The following ABCC4 variants were observed in gnomAD, a reference collection of about 807,000 sequenced individuals.
ABCC4 encodes ATP binding cassette subfamily C member 4 (PEL blood group), also known as ATP-binding cassette sub-family C member 4.
ABCC4 carries 102 observed loss-of-function variants against 168.5 expected under a neutral mutation model. That is an observed-to-expected ratio of 0.61 (90% CI 0.52 to 0.71). The LOEUF is 0.71. Among genes scored for constraint, ABCC4 ranks in the 30% least tolerant of loss-of-function variants. The pLI is 0.00. For synonymous variants in ABCC4, 617 were observed against 590.7 expected (o/e 1.04, Z -0.65); for missense variants, 1,402 against 1,605.8 (o/e 0.87, Z 2.17).
intron 11 of ABCC4, among the ~76,000 whole-genome samples, chr13:95,180,503 G>A (rs1295834380): frequency 6.6e-6 from 1 of 151,696 alleles, no homozygotes; most frequent in Non-Finnish European, 1.5e-5. Flanking sequence ...CAGTGAGCGA[G>A]ATCGCACCAT....
intron 26 of ABCC4, among the ~76,000 whole-genome samples, chr13:95,057,006 A>G (rs2033084396): frequency 6.6e-6 from 1 of 152,206 alleles, no homozygotes; most frequent in Non-Finnish European, 1.5e-5. Flanking sequence ...CATCCTAAAA[A>G]AAGTTTTGAA....
chr13:95,184,192 C>T (rs9524820), intron 11 of ABCC4, among the ~76,000 whole-genome samples: 12 of 152,208 alleles, frequency 7.9e-5, no homozygotes, highest in African/African-American at 2.7e-4. Flanking sequence ...TCAAAGGTGG[C>T]TACGGAAGAG....
At chr13:95,086,458 G>A (rs2034260739) in intron 20 of ABCC4, among the ~76,000 whole-genome samples, 1 of 151,990 alleles carries the variant, frequency 6.6e-6, no homozygotes, top group Non-Finnish European at 1.5e-5. Flanking sequence ...ATTTCCCCCG[G>A]CAGACTCTTC....
chr13:95,161,217 C>T lies in ABCC4; in HGVS notation c.2427G>A (p.Pro809=), dbSNP rs144598765. 142 of 1,606,742 alleles carry T rather than the reference C, an allele frequency of 8.8e-5. No individual in the cohort carries two copies. The highest frequency in any genetic ancestry group is 8.0e-4 in the African/African-American group (60 of 74,722). Residue 809 remains proline (P), a synonymous_variant, in exon 19 of 31, where the codon CCG becomes CCA. Coordinates refer to ENST00000645237, the MANE Select transcript of ABCC4 (RefSeq NM_005845.5). Reference sequence around the variant, plus strand: ...TTGGATTTCTATCAAAGAATAATACCGGAGCTTTCAGAATTGACTCAAACA... The same window carrying T: ...TTGGATTTCTATCAAAGAATAATACTGGAGCTTTCAGAATTGACTCAAACA... ...NKMFESILKA[P]VLFFDRNPIG...
chr13:95,135,280 T>C (rs1156533127), intron 19 of ABCC4, among the ~76,000 whole-genome samples: 2 of 152,194 alleles, frequency 1.3e-5, no homozygotes, highest in African/African-American at 4.8e-5. Flanking sequence ...TGAATAATGA[T>C]ATCAAAATCA....
intron 25 of ABCC4, among the ~76,000 whole-genome samples, 190 bp from the exon 26 acceptor site, chr13:95,063,049 C>T (rs532260868): frequency 6.6e-6 from 1 of 152,222 alleles, no homozygotes; most frequent in South Asian, 2.1e-4. Flanking sequence ...TTGGAAGCTG[C>T]CCCAGGCATT....
intron 29 of ABCC4, chr13:95,043,429 A>G: frequency 2.4e-6 from 1 of 414,182 alleles, no homozygotes; most frequent in Non-Finnish European, 4.3e-6. Context: ...GCTGAATCTT[A>G]GATTTGGAAT....
chr13:95,163,536 C>T, intron 17 of ABCC4, 74 bp downstream of exon 17: 1 of 1,351,398 alleles, frequency 7.4e-7, no homozygotes, highest in Admixed American at 1.8e-5. Flanking sequence ...AAACACCTCC[C>T]TCTAACTCTA....
At chr13:95,040,646 A>T (rs2032316648) in intron 29 of ABCC4, among the ~76,000 whole-genome samples, 2 of 152,184 alleles carry the variant, frequency 1.3e-5, no homozygotes, top group South Asian at 4.1e-4. Context: ...AAATGTTCTA[A>T]TTGTGGCCGT....
chr13:95,075,360 C>T, intron 22 of ABCC4, 72 bp downstream of exon 22: 1 of 1,598,348 alleles, frequency 6.3e-7, no homozygotes, highest in Non-Finnish European at 8.5e-7. Flanking sequence ...ACAAGCTCAT[C>T]TGACCAGGGA....
chr13:95,056,648 GAA>G (rs1272119900), intron 26 of ABCC4, among the ~76,000 whole-genome samples: 2 of 63,304 alleles, frequency 3.2e-5, no homozygotes, highest in African/African-American at 5.6e-5. Context: ...TCAAAAAGAA[GAA>G]AAAAAAAAAA....
chr13:95,095,834 C>A (rs961864562), intron 20 of ABCC4: 1 of 268,064 alleles, frequency 3.7e-6, no homozygotes, highest in African/African-American at 2.2e-5. Flanking sequence ...AGCATTAGTA[C>A]AGAAGGAAGG....
intron 30 of ABCC4, among the ~76,000 whole-genome samples, chr13:95,024,348 A>C (rs1031340205): frequency 2.0e-5 from 3 of 152,146 alleles, no homozygotes; most frequent in African/African-American, 7.2e-5. Context: ...TTGCGGCAAG[A>C]AGAGTATCAG....
intron 21 of ABCC4, among the ~76,000 whole-genome samples, chr13:95,080,414 G>A (rs189341394): frequency 1.4e-3 from 153 of 111,856 alleles, no homozygotes; most frequent in African/African-American, 4.4e-3. Flanking sequence ...GTTTTGTTTT[G>A]TTTTTTCAGT....
chr13:95,174,823 C>T (rs1187151671), intron 13 of ABCC4, among the ~76,000 whole-genome samples: 2 of 152,200 alleles, frequency 1.3e-5, no homozygotes, highest in Non-Finnish European at 2.9e-5. Context: ...GAGCAGGAAA[C>T]GAGGCTCTGA....
intron 20 of ABCC4, among the ~76,000 whole-genome samples, 193 bp downstream of exon 20, chr13:95,115,729 C>T (rs1202667963): frequency 6.6e-6 from 1 of 152,198 alleles, no homozygotes; most frequent in Non-Finnish European, 1.5e-5. Context: ...CACTCCCACA[C>T]ACAAGGTATT....
chr13:95,133,160 C>A (rs1320733886), intron 19 of ABCC4, among the ~76,000 whole-genome samples: 1 of 136,074 alleles, frequency 7.3e-6, no homozygotes, highest in Admixed American at 8.1e-5. Flanking sequence ...GTCACCCAGG[C>A]TGGAGTGCAG....
At chr13:95,247,161 G>A in intron 2 of ABCC4, 66 bp from the exon 3 acceptor site, 1 of 1,530,852 alleles carries the variant, frequency 6.5e-7, no homozygotes, top group Non-Finnish European at 8.9e-7. Context: ...AGGGGAGATG[G>A]CAGAGTGACA....
chr13:95,241,998 A>G (rs186274286), intron 3 of ABCC4, among the ~76,000 whole-genome samples: 1 of 152,122 alleles, frequency 6.6e-6, no homozygotes, highest in East Asian at 1.9e-4. Context: ...CTACTGTTCA[A>G]CCTCATCGCC....
Sources: gnomAD v4.1 joint callset for allele counts (sites outside exome capture counted in the v4.1 genomes callset) on GRCh38, gnomAD v4.1.1 for gene constraint, MANE v1.5 for transcripts, NCBI Gene and HGNC (gene_info 2026-07-23, HGNC 2026-07-21) for gene names.